The following SRRM2 variants were observed in gnomAD, a reference collection of about 807,000 sequenced individuals.
SRRM2 encodes the protein serine/arginine repetitive matrix protein 2.
Under a neutral mutation model 213.8 loss-of-function variants are expected in SRRM2, and 30 were observed. The observed-to-expected ratio is 0.14, with a 90% CI of 0.10 to 0.19. The LOEUF is 0.19. Among genes scored for constraint, SRRM2 ranks in the 10% least tolerant of loss-of-function variants. SRRM2 has a pLI of 1.00. For missense variants in SRRM2, 4,904 were observed against 3,647.0 expected (o/e 1.34, Z -8.88); for synonymous variants, 2,025 against 1,377.7 (o/e 1.47, Z -10.40).
Position 2,760,306 on chromosome 16 carries a change from G to A in SRRM2, c.839G>A (p.Arg280Gln), listed in dbSNP as rs374070040. 29 of 1,612,878 alleles carry A rather than the reference G, an allele frequency of 1.8e-5. No individual in the cohort carries two copies. Among genetic ancestry groups the A allele is most frequent in the Non-Finnish European group, 2.3e-5 (27 of 1,179,902 alleles). The change falls in exon 10 of 15, where the codon CGA becomes CAA. Residue 280 changes from arginine to glutamine, a missense_variant. Physicochemically the swap from Arg to Gln is conservative, Grantham distance 43. Coordinates refer to ENST00000301740, the MANE Select transcript of SRRM2 (RefSeq NM_016333.4). ...TCCTCAATTAACTCCTGCAGGTCTC[G>A]AAGTGCTGCAGCTAAAACTCATACA... ...SSSDTSRSRS[R>Q]SAAAKTHTTA...
At chr16:2,769,733 C>G (rs969460104) in intron 12 of SRRM2, 1 of 470,848 alleles carries the variant, frequency 2.1e-6, no homozygotes, top group Admixed American at 2.3e-5. Context: ...ACAAATCCTT[C>G]GGGACGCCCT....
At chr16:2,759,252 T>C in intron 7 of SRRM2, 80 bp downstream of exon 7, 1 of 1,604,028 alleles carries the variant, frequency 6.2e-7, no homozygotes. Context: ...GCTCAATTCC[T>C]TGATCTTCCT....
In SRRM2 at chr16:2,767,505, G is replaced by C; in HGVS notation, c.6977G>C (p.Ser2326Thr). 1 of 1,614,136 alleles carries C rather than the reference G, an allele frequency of 6.2e-7. No homozygotes were observed. The highest frequency in any genetic ancestry group is 8.5e-7 in the Non-Finnish European group (1 of 1,180,016). The change falls in exon 11 of 15, where the codon AGC (serine) becomes ACC (threonine). Residue 2326 changes from serine to threonine, a missense_variant. Physicochemically the swap from Ser to Thr is moderately conservative, Grantham distance 58. Transcript: ENST00000301740. ...TPPTAANYPS[S>T]SRTPQAPASA... Reference sequence around the variant, plus strand: ...CCAACTGCTGCAAACTATCCCTCCAGCTCCAGAACACCACAGGCTCCAGCC... The same window carrying C: ...CCAACTGCTGCAAACTATCCCTCCACCTCCAGAACACCACAGGCTCCAGCC...
chr16:2,756,589 G>A lies in SRRM2; in HGVS notation c.225G>A (p.Glu75=). 2.5e-6 allele frequency: 4 copies of A among 1,613,336 alleles called. No homozygotes were observed. The South Asian group carries it at 4.4e-5, about 18-fold the overall frequency. Residue 75 remains glutamate (E), a synonymous_variant, in exon 2 of 15, where the codon GAG becomes GAA. Coordinates refer to ENST00000301740, the MANE Select transcript of SRRM2 (RefSeq NM_016333.4). ...AGCTGCGATGCCTCGAGCTGGAGGA[G>A]ATGATGGAAGAGCAGGGGTGAGGGA... ...RVELRCLELE[E]MMEEQGYEEQ... is the part of the protein sequence containing the mutation.
At position 2,767,729 on chromosome 16, in the gene SRRM2, C is replaced by T; in HGVS notation, c.7201C>T (p.Leu2401Phe). The change falls in exon 11 of 15, where the codon CTC (leucine) becomes TTC (phenylalanine). Residue 2401 changes from leucine to phenylalanine, a missense_variant. Transcript: ENST00000301740. ...ERVSGRTSPP[L>F]LDRARSRTPP... ...TGTCAGTGGCAGAACCTCACCACCG[C>T]TCCTTGACCGAGCTAGGTCCAGAAC... 1.9e-6 allele frequency: 3 copies of T among 1,613,848 alleles called. No homozygotes were observed. The highest frequency in any genetic ancestry group is 1.1e-5 in the South Asian group (1 of 91,042).
Position 2,757,763 on chromosome 16 carries a change from T to A in SRRM2, c.351-18T>A, listed in dbSNP as rs768967729. 8.1e-6 allele frequency: 13 copies of A among 1,612,008 alleles called. No individual in the cohort carries two copies. Among genetic ancestry groups the A allele is most frequent in the Admixed American group, 1.7e-5 (1 of 59,634 alleles). On this transcript the variant is annotated intron_variant, in intron 3 of 14. Coordinates refer to ENST00000301740, the MANE Select transcript of SRRM2 (RefSeq NM_016333.4). ...GTCCTTTATATTTCCTTCAGACTTT[T>A]GCCCTTCTTTTCTCTAGGGTCACGG...
At position 2,771,280 on chromosome 16, in the gene SRRM2, G is replaced by T; in HGVS notation, c.*413G>T. The T allele has an allele frequency of 1.2e-6, 1 of 842,356 alleles. No individual in the cohort carries two copies. Among genetic ancestry groups the T allele is most frequent in the Non-Finnish European group, 2.0e-6 (1 of 509,614 alleles). The allele number at this position is 842,356 out of a possible 1,614,324, so 52.2% of individuals were successfully genotyped here. A position where few individuals can be genotyped will look rare whatever the true frequency, so the allele number is the denominator to read the frequency against. On this transcript the variant is annotated 3_prime_UTR_variant, in exon 15 of 15. Coordinates refer to ENST00000301740, the MANE Select transcript of SRRM2 (RefSeq NM_016333.4). ...AAGGGGCAGGAGTTGGAATTAGTTG[G>T]TCCCTACTGTCCCCCATGAGGTTGT...
At position 2,764,723 on chromosome 16, in the gene SRRM2, A is replaced by T. The variant is rs540198317; in HGVS notation, c.4195A>T (p.Asn1399Tyr). Residue 1399 changes from asparagine to tyrosine, a missense_variant, in exon 11 of 15, where the codon AAT (asparagine) becomes TAT (tyrosine). By Grantham distance (143) the Asn-to-Tyr change is moderately radical. Coordinates refer to ENST00000301740, the MANE Select transcript of SRRM2 (RefSeq NM_016333.4). ...AGTGGAAAAGGCAGGGATGTCTTCA[A>T]ATCAGAGCATCTCTTCACCTGTGCT... ...DAVEKAGMSS[N>Y]QSISSPVLDA... 13 of 1,614,144 alleles carry T rather than the reference A, an allele frequency of 8.1e-6. No homozygotes were observed. The African/African-American group carries it at 1.1e-4, about 13-fold the overall frequency.
In SRRM2 at chr16:2,767,544, T is replaced by G; in HGVS notation, c.7016T>G (p.Val2339Gly). The part of the protein sequence containing the change: ...TPQAPASANL[V>G]GPRSAHATAP... ...CAGGCTCCAGCCTCTGCAAACCTGG[T>G]GGGTCCTCGGTCTGCACATGCCACA... The change falls in exon 11 of 15, where the codon GTG becomes GGG. Residue 2339 changes from valine (V) to glycine (G), a missense_variant. Coordinates refer to ENST00000301740, the MANE Select transcript of SRRM2 (RefSeq NM_016333.4). 6.2e-7 allele frequency: 1 copy of G among 1,614,206 alleles called. No individual in the cohort carries two copies. The highest frequency in any genetic ancestry group is 8.5e-7 in the Non-Finnish European group (1 of 1,180,028).
intron 10 of SRRM2, chr16:2,760,709 T>C (rs2150774372): frequency 1.7e-6 from 1 of 576,112 alleles, no homozygotes; most frequent in East Asian, 3.0e-5. Flanking sequence ...CAAATCTCAC[T>C]GGATGTTAGG....
chr16:2,770,599 TGCAGCA>T lies in SRRM2; in HGVS notation c.8139_8144del (p.Ser2714_Ser2715del). 1.3e-6 allele frequency: 2 copies of T among 1,553,310 alleles called. No individual in the cohort carries two copies. Among genetic ancestry groups the T allele is most frequent in the Non-Finnish European group, 1.7e-6 (2 of 1,148,030 alleles). On this transcript the variant is annotated splice_acceptor_variant and splice_polypyrimidine_tract_variant and coding_sequence_variant and intron_variant, in exon 14 of 15. Coordinates refer to ENST00000301740, the MANE Select transcript of SRRM2 (RefSeq NM_016333.4). LOFTEE classifies it high-confidence loss of function. ...CTGTGGCCTGATGTCTGTCCTGTGT[TGCAGCA>T]GCAGCAGTGAGCGGGGTTCCCGGAG...
At position 2,763,750 on chromosome 16, in the gene SRRM2, A is replaced by G. The variant is rs1168116723; in HGVS notation, c.3222A>G (p.Pro1074=). 5 of 1,614,220 alleles carry G rather than the reference A, an allele frequency of 3.1e-6. No individual in the cohort carries two copies. The highest frequency in any genetic ancestry group is 1.7e-5 in the Admixed American group (1 of 60,028). Residue 1074 remains proline, a synonymous_variant, in exon 11 of 15, where the codon CCA becomes CCG. Coordinates refer to ENST00000301740, the MANE Select transcript of SRRM2 (RefSeq NM_016333.4). Reference sequence around the variant, plus strand: ...ACCACAGATCTGATACTTCAAGTCCAGAAGTGAGACAGAGTCATTCAGAAT... The same window carrying G: ...ACCACAGATCTGATACTTCAAGTCCGGAAGTGAGACAGAGTCATTCAGAAT... ...SPDHRSDTSS[P]EVRQSHSESP... is the part of the protein sequence containing the mutation.
In SRRM2 at chr16:2,769,507, G is replaced by C. The variant is rs550572659; in HGVS notation, c.8021+223G>C. ...CTCAGGCCAGGACCAGGGGGTCCTTGGTTTCTTCCTCTCCCTCCCTCAACA... is the reference window on the plus strand; with the variant it reads ...CTCAGGCCAGGACCAGGGGGTCCTTCGTTTCTTCCTCTCCCTCCCTCAACA... On this transcript the variant is annotated intron_variant, in intron 12 of 14. Coordinates refer to ENST00000301740, the MANE Select transcript of SRRM2 (RefSeq NM_016333.4). 6.4e-6 allele frequency: 4 copies of C among 629,730 alleles called. No homozygotes were observed. In the African/African-American group the frequency reaches 7.3e-5, roughly 11 times the overall value. 39.0% of individuals were successfully genotyped at this position (629,730 alleles called of 1,614,324 possible). A position where few individuals can be genotyped will look rare whatever the true frequency, so the allele number is the denominator to read the frequency against.
rs1478078215 is a variant in SRRM2, at chr16:2,762,873, C to T, written c.2345C>T (p.Ser782Phe). The T allele has an allele frequency of 3.7e-6, 6 of 1,614,062 alleles. No homozygotes were observed. The highest frequency in any genetic ancestry group is 2.2e-5 in the East Asian group (1 of 44,900). The change falls in exon 11 of 15, where the codon TCT (serine) becomes TTT (phenylalanine). Residue 782 changes from serine (S) to phenylalanine (F), a missense_variant. Coordinates refer to ENST00000301740, the MANE Select transcript of SRRM2 (RefSeq NM_016333.4). ...TCTTTGAGGCGCAGCCTTTCAGGGT[C>T]TTCCCCATGCCCTAAACAAAAGTCA... ...RLSLRRSLSG[S>F]SPCPKQKSQT...
intron 1 of SRRM2, among the ~76,000 whole-genome samples, chr16:2,753,971 C>T (rs937172729): frequency 1.2e-4 from 18 of 152,110 alleles, no homozygotes; most frequent in Non-Finnish European, 2.1e-4. Flanking sequence ...TATCTTTCTA[C>T]TTCATTGTTA....
Position 2,762,434 on chromosome 16 carries a change from CGTA to C in SRRM2, c.1911_1913del (p.Ser637del), listed in dbSNP as rs777599581. The C allele has an allele frequency of 3.7e-6, 6 of 1,613,848 alleles. No homozygotes were observed. The highest frequency in any genetic ancestry group is 5.1e-6 in the Non-Finnish European group (6 of 1,180,004). ...CCGATCACCAGTACGACGCAGGTCT[CGTA>C]GTAGATCACCAGCCAGGAGAAGTGG... On this transcript the variant is annotated inframe_deletion, in exon 11 of 15. Transcript: ENST00000301740.
rs1301479528 is a variant in SRRM2 at position 2,766,047 on chromosome 16, G to A, written c.5519G>A (p.Gly1840Asp). 1.2e-6 allele frequency: 2 copies of A among 1,614,042 alleles called. No homozygotes were observed. The highest frequency in any genetic ancestry group is 1.7e-6 in the Non-Finnish European group (2 of 1,180,044). ...CGGACCTCCTCTCGACGCCGAAGAG[G>A]CCGCTCTCGGACACCCCCAACCAGT... The part of the protein sequence containing the change: ...SSRTSSRRRR[G>D]RSRTPPTSRK... Residue 1840 changes from glycine to aspartate, a missense_variant, in exon 11 of 15, where the codon GGC becomes GAC. By Grantham distance (94) the Gly-to-Asp change is moderately conservative. Transcript: ENST00000301740. The surrounding 1 kb of genome is among the most constrained non-coding windows in gnomAD (Gnocchi z 7.0).
chr16:2,763,556 T>C lies in SRRM2; in HGVS notation c.3028T>C (p.Ser1010Pro). 1 of 1,614,176 alleles carries C rather than the reference T, an allele frequency of 6.2e-7. No homozygotes were observed. The highest frequency in any genetic ancestry group is 8.5e-7 in the Non-Finnish European group (1 of 1,180,038). The change falls in exon 11 of 15, where the codon TCT becomes CCT. Residue 1010 changes from serine (S) to proline (P), a missense_variant. Ser to Pro is a moderately conservative substitution (Grantham distance 74). Transcript: ENST00000301740. ...CCAAACTCCACCGGGGCCAAGTCTT[T>C]CTGGATCAAAGTCACCATGTCCCCA... Reference protein sequence around the residue: ...KAQTPPGPSLSGSKSPCPQEK... With the variant: ...KAQTPPGPSLPGSKSPCPQEK...
intron 12 of SRRM2, chr16:2,769,767 C>T (rs75646271): frequency 0.019 from 8,951 of 466,910 alleles, 124 homozygotes; most frequent in Non-Finnish European, 0.026. Context: ...CAAAGCCCCA[C>T]CTCTGCGGGA....
Sources: gnomAD v4.1 joint callset for allele counts (sites outside exome capture counted in the v4.1 genomes callset) on GRCh38, gnomAD v4.1.1 for gene constraint, Gnocchi (gnomAD v3.1) non-coding constraint, MANE v1.5 for transcripts, NCBI Gene and HGNC (gene_info 2026-07-23, HGNC 2026-07-21) for gene names.